The following LRP1B variants were observed in gnomAD, a reference collection of about 807,000 sequenced individuals.
LRP1B encodes the protein LDL receptor related protein 1B.
A neutral mutation model predicts 556.6 loss-of-function variants in LRP1B; 217 were observed. The ratio of observed to expected loss-of-function variants is 0.39; its 90% CI spans 0.35 to 0.44. The LOEUF is 0.44. Among genes scored for constraint, LRP1B ranks in the 20% least tolerant of loss-of-function variants. The pLI is 1.00. For missense variants in LRP1B, 5,053 were observed against 5,620.8 expected (o/e 0.90, Z 3.23); for synonymous variants, 2,047 against 1,865.8 (o/e 1.10, Z -2.50).
At chr2:140,417,519 A>AT (rs1685251191) in intron 66 of LRP1B, among the ~76,000 whole-genome samples, 2 of 152,162 alleles carry the variant, frequency 1.3e-5, no homozygotes, top group Admixed American at 1.3e-4. Context: ...TGTGCAATAC[A>AT]TTTTTCAGGA....
At chr2:141,527,413 CA>C (rs11427907) in intron 2 of LRP1B, among the ~76,000 whole-genome samples, 4,899 of 145,394 alleles carry the variant, frequency 0.034, 131 homozygotes, top group South Asian at 0.12. Context: ...AGGCATTTTA[CA>C]AAAAAAAAAA....
intron 1 of LRP1B, among the ~76,000 whole-genome samples, chr2:142,047,203 T>G (rs187067902): frequency 2.0e-5 from 3 of 151,932 alleles, no homozygotes; most frequent in Non-Finnish European, 2.9e-5. Context: ...TGGTAGTATA[T>G]GGAAATGGTC....
rs779033058 is a variant in LRP1B at position 140,982,132 on chromosome 2, A to G, written c.2887+28T>C. 3.2e-6 allele frequency: 5 copies of G among 1,544,384 alleles called. No homozygotes were observed. The African/African-American group carries it at 6.8e-5, about 21-fold the overall frequency. On this transcript the variant is annotated intron_variant, in intron 18 of 90. Transcript: ENST00000389484. ...GGTATCCTATCTGACACAATCTGTA[A>G]TAATAACATGTCTCACTCACAACTT...
At chr2:140,235,690 T>C (rs1680665324) in intron 89 of LRP1B, among the ~76,000 whole-genome samples, 1 of 151,108 alleles carries the variant, frequency 6.6e-6, no homozygotes, top group Non-Finnish European at 1.5e-5. Context: ...TTGGGGGCAC[T>C]GAAACATAGT....
At chr2:142,080,214 G>T (rs1003429191) in intron 1 of LRP1B, among the ~76,000 whole-genome samples, 6 of 152,084 alleles carry the variant, frequency 3.9e-5, no homozygotes, top group Non-Finnish European at 5.9e-5. Flanking sequence ...CCAGATTATA[G>T]TTATGGTTTT....
At chr2:141,662,036 T>G (rs1690240353) in intron 2 of LRP1B, among the ~76,000 whole-genome samples, 1 of 152,192 alleles carries the variant, frequency 6.6e-6, no homozygotes, top group Non-Finnish European at 1.5e-5. Flanking sequence ...TAGACATTCT[T>G]AAAGAAAGGA....
At chr2:141,995,215 CGGTT>C (rs1261297361) in intron 1 of LRP1B, among the ~76,000 whole-genome samples, 1 of 152,096 alleles carries the variant, frequency 6.6e-6, no homozygotes, top group Non-Finnish European at 1.5e-5. Flanking sequence ...ACACAAGTCT[CGGTT>C]GGCCAAAAAT....
chr2:141,558,245 G>C (rs558851280), intron 2 of LRP1B, among the ~76,000 whole-genome samples: 1 of 151,946 alleles, frequency 6.6e-6, no homozygotes, highest in Admixed American at 6.6e-5. Context: ...TAAACTTAGG[G>C]TGTTAATTTA....
At chr2:141,255,798 A>C (rs1684440035) in intron 3 of LRP1B, among the ~76,000 whole-genome samples, 2 of 151,802 alleles carry the variant, frequency 1.3e-5, no homozygotes, top group African/African-American at 2.4e-5. Context: ...AGTTAGTTGA[A>C]TTCGTAATCA....
Position 141,739,613 on chromosome 2 carries a change from T to C in LRP1B, c.205+70666A>G, listed in dbSNP as rs577258641. 1.3e-5 allele frequency among the ~76,000 whole-genome samples: 2 copies of C among 152,152 alleles called. 1 individual carries two copies. Among genetic ancestry groups the C allele is most frequent in the African/African-American group, 4.8e-5 (2 of 41,548 alleles). On this transcript the variant is annotated intron_variant, in intron 2 of 90. Coordinates refer to ENST00000389484, the MANE Select transcript of LRP1B (RefSeq NM_018557.3). The stretch of plus-strand genomic sequence containing the variant: ...TCAAATATTGTCTTCACTTGCGAAG[T>C]TGTTTAAAGAACTAAACTAATAATA...
At chr2:141,198,249 G>T (rs148308374) in intron 6 of LRP1B, among the ~76,000 whole-genome samples, 23 of 152,204 alleles carry the variant, frequency 1.5e-4, no homozygotes, top group African/African-American at 5.5e-4. Flanking sequence ...AGCAAACTGA[G>T]TTGAACAAAC....
At chr2:140,957,884 TAGAA>T (rs533368852) in intron 18 of LRP1B, among the ~76,000 whole-genome samples, 62 of 151,496 alleles carry the variant, frequency 4.1e-4, no homozygotes, top group African/African-American at 1.4e-3. Context: ...CTCCTCCTAG[TAGAA>T]AGAGATATCT....
intron 84 of LRP1B, among the ~76,000 whole-genome samples, chr2:140,277,623 TA>T (rs1451568338): frequency 6.6e-6 from 1 of 151,212 alleles, no homozygotes; most frequent in Non-Finnish European, 1.5e-5. Context: ...AATAAATAAA[TA>T]AATAATAAAA....
intron 33 of LRP1B, among the ~76,000 whole-genome samples, chr2:140,774,083 ATAG>A (rs2104945696): frequency 6.6e-6 from 1 of 152,264 alleles, no homozygotes; most frequent in East Asian, 1.9e-4. Flanking sequence ...TGAAATCCAA[ATAG>A]GTAGTGATGT....
At chr2:140,297,757 G>A (rs1683666921) in intron 84 of LRP1B, 51 bp downstream of exon 84, 1 of 1,528,920 alleles carries the variant, frequency 6.5e-7, no homozygotes, top group African/African-American at 1.4e-5. Context: ...CAGGAAATCA[G>A]AAGATTAACA....
intron 49 of LRP1B, among the ~76,000 whole-genome samples, chr2:140,525,105 T>G (rs1443888744): frequency 6.6e-6 from 1 of 151,864 alleles, no homozygotes; most frequent in Non-Finnish European, 1.5e-5. Flanking sequence ...TGTTTAAAAA[T>G]TATTATATAT....
At chr2:140,236,443 T>C (rs973829079) in intron 89 of LRP1B, among the ~76,000 whole-genome samples, 1 of 151,026 alleles carries the variant, frequency 6.6e-6, no homozygotes, top group Non-Finnish European at 1.5e-5. Flanking sequence ...ATTGATACTC[T>C]TAATTTAGAG....
intron 25 of LRP1B, among the ~76,000 whole-genome samples, chr2:140,877,448 T>G (rs926897781): frequency 6.6e-6 from 1 of 152,178 alleles, no homozygotes. Context: ...GAGACTCATG[T>G]TCTTCTAAAA....
At position 140,886,143 on chromosome 2, in the gene LRP1B, C is replaced by A; in HGVS notation, c.3959G>T (p.Ser1320Ile). 1.3e-6 allele frequency: 2 copies of A among 1,576,124 alleles called. No homozygotes were observed. Among genetic ancestry groups the A allele is most frequent in the Non-Finnish European group, 1.7e-6 (2 of 1,159,862 alleles). The stretch of plus-strand genomic sequence containing the variant: ...AAAAATTATAATATATGTACCTCCA[C>A]TTTCAGAAAGCTTTCCCCGGTATAT... Reference protein sequence around the residue: ...DRIYRGKLSESGGVSAIEVVV... With the variant: ...DRIYRGKLSEIGGVSAIEVVV... Residue 1320 changes from serine to isoleucine, a missense_variant, in exon 24 of 91, where the codon AGT (serine) becomes ATT (isoleucine). Physicochemically the swap from Ser to Ile is moderately radical, Grantham distance 142. Coordinates refer to ENST00000389484, the MANE Select transcript of LRP1B (RefSeq NM_018557.3).
Sources: gnomAD v4.1 joint callset for allele counts (sites outside exome capture counted in the v4.1 genomes callset) on GRCh38, gnomAD v4.1.1 for gene constraint, MANE v1.5 for transcripts, NCBI Gene and HGNC (gene_info 2026-07-23, HGNC 2026-07-21) for gene names.